Variants in ALK observed in about 807,000 individuals in gnomAD.
ALK encodes ALK receptor tyrosine kinase, also known as ALK tyrosine kinase receptor.
In ALK, 74 loss-of-function variants were observed where a neutral mutation model predicts 163.1. That is an observed-to-expected ratio of 0.45 (90% CI 0.38 to 0.55). The LOEUF (loss-of-function observed/expected upper bound fraction) is 0.55. Among genes scored for constraint, ALK ranks in the 20% least tolerant of loss-of-function variants. The pLI is 0.00. For synonymous variants in ALK, 960 were observed against 843.2 expected (o/e 1.14, Z -2.40); for missense variants, 2,063 against 2,105.3 (o/e 0.98, Z 0.39).
chr2:29,557,801 G>C (rs780572476), intron 3 of ALK, among the ~76,000 whole-genome samples: 2 of 152,118 alleles, frequency 1.3e-5, no homozygotes, highest in African/African-American at 2.4e-5. Context: ...AGTAATAATG[G>C]AGATTGAGAT....
At chr2:29,683,308 C>T (rs1466298321) in intron 3 of ALK, among the ~76,000 whole-genome samples, 1 of 152,030 alleles carries the variant, frequency 6.6e-6, no homozygotes, top group Non-Finnish European at 1.5e-5. Context: ...ACCCAGGAGG[C>T]AGAGGTTACA....
chr2:29,771,326 A>T (rs918087291), intron 1 of ALK, among the ~76,000 whole-genome samples: 1 of 152,218 alleles, frequency 6.6e-6, no homozygotes, highest in Non-Finnish European at 1.5e-5. Context: ...AACTCAAACC[A>T]TAACACAGTG....
intron 5 of ALK, among the ~76,000 whole-genome samples, chr2:29,369,261 A>G (rs1484004550): frequency 1.3e-5 from 2 of 151,936 alleles, no homozygotes; most frequent in African/African-American, 4.8e-5. Context: ...GGATCACCAC[A>G]TTCAAATGCC....
At chr2:29,224,950 T>C (rs1663904860) in intron 19 of ALK, among the ~76,000 whole-genome samples, 1 of 152,228 alleles carries the variant, frequency 6.6e-6, no homozygotes, top group African/African-American at 2.4e-5. Context: ...GGGACCACAC[T>C]GAGTTCTCTG....
chr2:29,249,629 GTTC>G (rs1299692340), intron 12 of ALK, among the ~76,000 whole-genome samples: 1 of 152,198 alleles, frequency 6.6e-6, no homozygotes, highest in Non-Finnish European at 1.5e-5. Flanking sequence ...CGACTCCAGA[GTTC>G]TCCCTTGGAA....
At position 29,228,996 on chromosome 2, in the gene ALK, G is replaced by A. The variant is rs375296866; in HGVS notation, c.2703C>T (p.Thr901=). The change falls in exon 16 of 29, where the codon ACC becomes ACT. Residue 901 remains threonine (T), a synonymous_variant. Transcript: ENST00000389048. ...TGGCCTGGGGGCAGGAATGTCCTCC[G>A]GTGGCACCCTCCTGCAAAGATTTTC... The part of the protein sequence containing the change: ...WAGKSLQEGA[T]GGHSCPQAMK... 1.7e-5 allele frequency: 25 copies of A among 1,455,970 alleles called. No individual in the cohort carries two copies. Among genetic ancestry groups the A allele is most frequent in the Admixed American group, 4.0e-5 (2 of 50,280 alleles). 90.2% of individuals were successfully genotyped at this position (1,455,970 alleles called of 1,614,324 possible).
At chr2:29,358,241 G>T (rs1177525955) in intron 5 of ALK, among the ~76,000 whole-genome samples, 2 of 152,150 alleles carry the variant, frequency 1.3e-5, no homozygotes, top group Non-Finnish European at 1.5e-5. Flanking sequence ...CCACTCTTTG[G>T]AAAAGGCAAT....
intron 1 of ALK, among the ~76,000 whole-genome samples, chr2:29,897,049 G>C (rs72798431): frequency 0.064 from 9,702 of 152,278 alleles, 446 homozygotes; most frequent in East Asian, 0.16. Context: ...GCCAGGCGCG[G>C]TGGCTCATGC....
chr2:29,907,737 C>T (rs1011159456), intron 1 of ALK, among the ~76,000 whole-genome samples: 3 of 152,110 alleles, frequency 2.0e-5, no homozygotes, highest in African/African-American at 7.2e-5. Context: ...ATGTAAATAG[C>T]TCCCACATCG....
chr2:29,516,907 C>G (rs1672683327), intron 4 of ALK, among the ~76,000 whole-genome samples: 1 of 152,204 alleles, frequency 6.6e-6, no homozygotes, highest in African/African-American at 2.4e-5. Context: ...GTCAGGGATG[C>G]TACTGTTTCA....
intron 1 of ALK, among the ~76,000 whole-genome samples, chr2:29,873,235 A>G (rs963919013): frequency 6.6e-6 from 1 of 152,250 alleles, no homozygotes; most frequent in Admixed American, 6.5e-5. Flanking sequence ...AATGATAAAA[A>G]GTCTAGAATT....
intron 11 of ALK, among the ~76,000 whole-genome samples, chr2:29,265,112 T>C (rs1200750869): frequency 6.6e-6 from 1 of 152,184 alleles, no homozygotes; most frequent in Admixed American, 6.5e-5. Flanking sequence ...CTCTGCTTCC[T>C]GGGTTCAAGT....
At chr2:29,765,254 T>A (rs972938294) in intron 1 of ALK, among the ~76,000 whole-genome samples, 1 of 152,190 alleles carries the variant, frequency 6.6e-6, no homozygotes, top group Non-Finnish European at 1.5e-5. Context: ...AAGTATTCAT[T>A]CTCCATGACT....
intron 9 of ALK, among the ~76,000 whole-genome samples, chr2:29,295,702 T>C (rs1372431410): frequency 1.3e-5 from 2 of 152,350 alleles, no homozygotes; most frequent in East Asian, 3.9e-4. Context: ...TTTACACTTA[T>C]AAAGCTGCAT....
intron 4 of ALK, among the ~76,000 whole-genome samples, chr2:29,439,073 T>C (rs1444409571): frequency 6.6e-6 from 1 of 152,168 alleles, no homozygotes. Flanking sequence ...ATTCAACATT[T>C]ACCTCGAGGA....
At chr2:29,861,745 A>G (rs1177303081) in intron 1 of ALK, among the ~76,000 whole-genome samples, 1 of 152,216 alleles carries the variant, frequency 6.6e-6, no homozygotes, top group Non-Finnish European at 1.5e-5. Flanking sequence ...TCTTCCAAAT[A>G]AATTGAAGAG....
chr2:29,643,333 A>T (rs946011856), intron 3 of ALK, among the ~76,000 whole-genome samples: 2 of 152,234 alleles, frequency 1.3e-5, no homozygotes, highest in African/African-American at 4.8e-5. Flanking sequence ...ACATCTGAAC[A>T]TAACAAAGTT....
chr2:29,614,174 G>C (rs1385234657), intron 3 of ALK, among the ~76,000 whole-genome samples: 1 of 152,122 alleles, frequency 6.6e-6, no homozygotes, highest in African/African-American at 2.4e-5. Context: ...GATGCCTGCT[G>C]ACGAGGGCTG....
At chr2:29,702,162 T>A (rs2148295572) in intron 2 of ALK, among the ~76,000 whole-genome samples, 1 of 151,914 alleles carries the variant, frequency 6.6e-6, no homozygotes. Flanking sequence ...TGCCATCAAC[T>A]CCTTCAAAAT....
Sources: allele counts gnomAD v4.1 joint callset (sites outside exome capture counted in the v4.1 genomes callset), GRCh38; gene constraint gnomAD v4.1.1; transcripts MANE v1.5; gene names NCBI Gene and HGNC (gene_info 2026-07-23, HGNC 2026-07-21).